NUP205: variants seen among roughly 807,000 people sequenced by gnomAD.
The protein encoded by NUP205 is nucleoporin 205.
NUP205 carries 76 observed loss-of-function variants against 253.8 expected under a neutral mutation model. The observed-to-expected ratio is 0.30, with a 90% CI of 0.25 to 0.36. The LOEUF is 0.36. Ranked by LOEUF, NUP205 falls within the 10% of genes least tolerant of loss-of-function variation. The pLI is 1.00. For synonymous variants in NUP205, 832 were observed against 850.1 expected, an observed-to-expected ratio of 0.98 and a Z score of 0.37; for missense variants, 2,162 against 2,425.5, an observed-to-expected ratio of 0.89 and a Z score of 2.28.
chr7:135,603,130 T>C (rs1183706425), intron 18 of NUP205, 136 bp downstream of exon 18: 11 of 607,784 alleles, frequency 1.8e-5, no homozygotes, highest in Non-Finnish European at 3.0e-5. Flanking sequence ...TTTTTTTTTT[T>C]TTTGAGATGG....
chr7:135,601,306 TA>T, intron 16 of NUP205, 63 bp from the exon 17 acceptor site: 1 of 1,416,428 alleles, frequency 7.1e-7, no homozygotes, highest in Non-Finnish European at 9.7e-7. Context: ...ACATTTCATA[TA>T]AATCAAGGGT....
rs901217426 is a variant in NUP205, at chr7:135,607,163, G to T, written c.3071-84G>T. 31 of 1,518,900 alleles carry T rather than the reference G, an allele frequency of 2.0e-5. No individual in the cohort carries two copies. The East Asian group carries it at 4.1e-4, about 20-fold the overall frequency. 94.1% of individuals were successfully genotyped at this position (1,518,900 alleles called of 1,614,324 possible). A position where few individuals can be genotyped will look rare whatever the true frequency, so the allele number is the denominator to read the frequency against. ...GTTTACAGTACAGCATATATTTAAA[G>T]AATTTAACTTTTGAAAAGGCAGTCT... On this transcript the variant is annotated intron_variant, in intron 21 of 42. Coordinates refer to ENST00000285968, the MANE Select transcript of NUP205 (RefSeq NM_015135.3).
rs759781420 is a variant in NUP205, at chr7:135,626,366, G to A, written c.4793+5G>A. On this transcript the variant is annotated splice_donor_5th_base_variant and intron_variant, in intron 33 of 42. Coordinates refer to ENST00000285968, the MANE Select transcript of NUP205 (RefSeq NM_015135.3). ...CCCAGAAACGGACCCGCAGAGGTAA[G>A]TGTCTGTATAGATTAATTTGGTTAA... 2 of 1,612,046 alleles carry A rather than the reference G, an allele frequency of 1.2e-6. No homozygotes were observed. The highest frequency in any genetic ancestry group is 2.7e-5 in the African/African-American group (2 of 74,938).
chr7:135,578,479 C>CT (rs1208777796), intron 6 of NUP205, among the ~76,000 whole-genome samples: 60 of 152,238 alleles, frequency 3.9e-4, no homozygotes, highest in Admixed American at 3.4e-3. Context: ...AAATGAGTGT[C>CT]TAACTTTTTT....
intron 5 of NUP205, 72 bp downstream of exon 5, chr7:135,577,200 G>A (rs59242940): frequency 0.035 from 49,354 of 1,410,596 alleles, 1,015 homozygotes; most frequent in Middle Eastern, 0.076. Flanking sequence ...CAATTAGAAT[G>A]TTCATTTTTT....
At chr7:135,606,970 G>C in intron 21 of NUP205, 55 bp downstream of exon 21, 1 of 1,514,444 alleles carries the variant, frequency 6.6e-7, no homozygotes, top group East Asian at 2.3e-5. Context: ...GTATCTCAGG[G>C]GTCACTGATT....
At chr7:135,633,508 A>G (rs1160297427) in intron 35 of NUP205, among the ~76,000 whole-genome samples, 7 of 152,202 alleles carry the variant, frequency 4.6e-5, no homozygotes, top group African/African-American at 1.7e-4. Flanking sequence ...TTTTGTGTGT[A>G]TATGTGTGTG....
Position 135,614,188 on chromosome 7 carries a change from T to C in NUP205, c.3225T>C (p.Asp1075=), listed in dbSNP as rs1018342563. The C allele has an allele frequency of 6.2e-7, 1 of 1,609,704 alleles. No individual in the cohort carries two copies. The highest frequency in any genetic ancestry group is 1.3e-5 in the African/African-American group (1 of 74,814). The part of the protein sequence containing the change: ...QVIYQLCACS[D]TSGPTMRYLR... The stretch of plus-strand genomic sequence containing the variant: ...TATATCAGTTATGTGCATGCTCTGA[T>C]ACATCTGGTCCTACTATGAGGTACT... Residue 1075 remains aspartate, a synonymous_variant, in exon 23 of 43, where the codon GAT becomes GAC. Coordinates refer to ENST00000285968, the MANE Select transcript of NUP205 (RefSeq NM_015135.3).
At chr7:135,638,284 C>T (rs568240150) in intron 37 of NUP205, among the ~76,000 whole-genome samples, 73 of 151,980 alleles carry the variant, frequency 4.8e-4, no homozygotes, top group South Asian at 6.3e-4. Flanking sequence ...CATGGTGGCA[C>T]GTGCCTGTGT....
intron 36 of NUP205, among the ~76,000 whole-genome samples, chr7:135,637,727 T>C (rs1794836001): frequency 6.6e-6 from 1 of 152,204 alleles, no homozygotes; most frequent in Non-Finnish European, 1.5e-5. Flanking sequence ...AGGGTACTCT[T>C]TTCATCTGTT....
At position 135,598,096 on chromosome 7, in the gene NUP205, T is replaced by A; in HGVS notation, c.2163T>A (p.Ser721=). Residue 721 remains serine (S), a synonymous_variant, in exon 15 of 43, where the codon TCT becomes TCA. Coordinates refer to ENST00000285968, the MANE Select transcript of NUP205 (RefSeq NM_015135.3). ...ISTLVESSFP[S]NLGAGLRPPG... ...CTCTGGTGGAGAGCTCATTTCCTTCTAATTTGGGTGCTGGACTGCGGCCCC... is the reference window on the plus strand; with the variant it reads ...CTCTGGTGGAGAGCTCATTTCCTTCAAATTTGGGTGCTGGACTGCGGCCCC... 6.2e-7 allele frequency: 1 copy of A among 1,614,170 alleles called. No homozygotes were observed. The highest frequency in any genetic ancestry group is 8.5e-7 in the Non-Finnish European group (1 of 1,180,008).
Position 135,648,064 on chromosome 7 carries a change from C to G in NUP205, c.5887-340C>G, listed in dbSNP as rs181037498. Among the ~76,000 whole-genome samples, 10 of 152,270 alleles carry G rather than the reference C, an allele frequency of 6.6e-5. No individual in the cohort carries two copies. The East Asian group carries it at 1.9e-3, about 29-fold the overall frequency. On this transcript the variant is annotated intron_variant, in intron 42 of 42. Transcript: ENST00000285968. ...CCTGCATTCTCCTTCCCTCCCTCCC[C>G]CGCCAGTCTTACTGACTTCTTGTAT...
rs371187219 is a variant in NUP205, at chr7:135,570,740, A to AAT, written c.29-360_29-359dup. 5.3e-3 allele frequency among the ~76,000 whole-genome samples: 409 copies of AAT among 76,774 alleles called. 3 individuals carry two copies. The highest frequency in any genetic ancestry group is 8.5e-3 in the Middle Eastern group (1 of 118). 50.4% of individuals were successfully genotyped at this position (76,774 alleles called of 152,430 possible). A position where few individuals can be genotyped will look rare whatever the true frequency, so the allele number is the denominator to read the frequency against. On this transcript the variant is annotated intron_variant, in intron 1 of 42. Coordinates refer to ENST00000285968, the MANE Select transcript of NUP205 (RefSeq NM_015135.3). ...ATTAATTATATTTATATATTATATT[A>AAT]ATATATTAATTATATTTATATATTA...
At chr7:135,575,729 A>T (rs1324055991) in intron 3 of NUP205, among the ~76,000 whole-genome samples, 3 of 152,144 alleles carry the variant, frequency 2.0e-5, no homozygotes, top group Non-Finnish European at 2.9e-5. Flanking sequence ...TAGGCGGCAG[A>T]GGTTGCAGTG....
At chr7:135,606,024 A>G in intron 19 of NUP205, 121 bp from the exon 20 acceptor site, 1 of 650,996 alleles carries the variant, frequency 1.5e-6, no homozygotes. Flanking sequence ...TAAAACGTAA[A>G]TACCTAAGCA....
At position 135,598,180 on chromosome 7, in the gene NUP205, A is replaced by G. The variant is rs752156188; in HGVS notation, c.2247A>G (p.Thr749=). The change falls in exon 15 of 43, where the codon ACA becomes ACG. Residue 749 remains threonine, a synonymous_variant. Coordinates refer to ENST00000285968, the MANE Select transcript of NUP205 (RefSeq NM_015135.3). ...LRDSVFLRFR[T]RAYRRAAEKW... ...ACTCTGTGTTTCTACGATTCCGTAC[A>G]AGAGCTTACCGGAGAGCAGCTGAAA... is the stretch of plus-strand genomic sequence containing the variant. The G allele has an allele frequency of 1.4e-5, 22 of 1,614,046 alleles. No homozygotes were observed. Among genetic ancestry groups the G allele is most frequent in the Middle Eastern group, 3.3e-4 (2 of 6,082 alleles).
intron 36 of NUP205, among the ~76,000 whole-genome samples, chr7:135,636,494 AACCCAAAT>A (rs1794813215): frequency 6.6e-6 from 1 of 152,120 alleles, no homozygotes; most frequent in Non-Finnish European, 1.5e-5. Context: ...TCACCCACAA[AACCCAAAT>A]ACTTTGGGTT....
intron 26 of NUP205, 47 bp downstream of exon 26, chr7:135,617,294 A>T: frequency 6.5e-7 from 1 of 1,534,464 alleles, no homozygotes; most frequent in African/African-American, 1.4e-5. Context: ...AGTGGCTCAG[A>T]CTTTAAGTCA....
intron 1 of NUP205, among the ~76,000 whole-genome samples, chr7:135,567,747 C>G (rs1198446772): frequency 6.6e-6 from 1 of 152,154 alleles, no homozygotes; most frequent in Non-Finnish European, 1.5e-5. Context: ...GTTTTCTCAA[C>G]AGTTTACCCT....
Sources: gnomAD v4.1 joint callset for allele counts (sites outside exome capture counted in the v4.1 genomes callset) on GRCh38, gnomAD v4.1.1 for gene constraint, MANE v1.5 for transcripts, NCBI Gene and HGNC (gene_info 2026-07-23, HGNC 2026-07-21) for gene names.